QTMAN: variants seen among roughly 807,000 people sequenced by gnomAD.
QTMAN encodes tRNA-queuosine alpha-mannosyltransferase.
chr2:144,299,648 A>G, the QTMAN span, among the ~76,000 whole-genome samples: 1 of 152,210 alleles, frequency 6.6e-6, no homozygotes, highest in Non-Finnish European at 1.5e-5. Flanking sequence ...TGGTAAGAAT[A>G]TGGAGAAATT....
the QTMAN span, among the ~76,000 whole-genome samples, chr2:144,195,704 C>T: frequency 6.6e-6 from 1 of 152,038 alleles, no homozygotes; most frequent in African/African-American, 2.4e-5. Flanking sequence ...TGGTTACTTT[C>T]GTAAAGTCTA....
At chr2:144,058,934 A>G in the QTMAN span, among the ~76,000 whole-genome samples, 1 of 152,214 alleles carries the variant, frequency 6.6e-6, no homozygotes. Context: ...AATGATTACA[A>G]TAACCTGATA....
chr2:144,076,361 G>A, the QTMAN span, among the ~76,000 whole-genome samples: 1 of 152,316 alleles, frequency 6.6e-6, no homozygotes, highest in Admixed American at 6.5e-5. Flanking sequence ...GGCAAGTGGT[G>A]TTCACCTGAG....
the QTMAN span, among the ~76,000 whole-genome samples, chr2:144,233,082 C>T: frequency 6.6e-6 from 1 of 151,972 alleles, no homozygotes; most frequent in African/African-American, 2.4e-5. Context: ...ATGAACTGAC[C>T]CTGAATTTTA....
At chr2:144,208,977 T>C in the QTMAN span, among the ~76,000 whole-genome samples, 1 of 152,256 alleles carries the variant, frequency 6.6e-6, no homozygotes, top group East Asian at 1.9e-4. Flanking sequence ...TAAAGTTTTA[T>C]ATCATTTGTG....
At chr2:144,120,701 G>T in the QTMAN span, among the ~76,000 whole-genome samples, 1 of 152,118 alleles carries the variant, frequency 6.6e-6, no homozygotes, top group Non-Finnish European at 1.5e-5. Context: ...CTTCTTAACT[G>T]GTGACAGAAC....
chr2:144,318,714 T>TTCAAGGTAAG, the QTMAN span, among the ~76,000 whole-genome samples: 4 of 152,216 alleles, frequency 2.6e-5, no homozygotes, highest in Non-Finnish European at 4.4e-5. Flanking sequence ...GAATAAAGAT[T>TTCAAGGTAAG]TCAAGGTAAG....
chr2:143,976,821 A>G, the QTMAN span, among the ~76,000 whole-genome samples: 6 of 152,226 alleles, frequency 3.9e-5, no homozygotes, highest in Non-Finnish European at 8.8e-5. Context: ...ACAAAGACCA[A>G]CAACATCCAT....
At chr2:144,029,897 T>C in the QTMAN span, among the ~76,000 whole-genome samples, 3 of 152,216 alleles carry the variant, frequency 2.0e-5, no homozygotes, top group Non-Finnish European at 4.4e-5. Context: ...TATATAATTA[T>C]ACAGCATAGC....
At chr2:144,047,245 T>C in the QTMAN span, among the ~76,000 whole-genome samples, 1 of 152,146 alleles carries the variant, frequency 6.6e-6, no homozygotes, top group Non-Finnish European at 1.5e-5. Context: ...TCCTCCAGCC[T>C]GGGTGACAGA....
the QTMAN span, among the ~76,000 whole-genome samples, chr2:144,147,336 A>C: frequency 6.6e-6 from 1 of 151,732 alleles, no homozygotes; most frequent in Non-Finnish European, 1.5e-5. Flanking sequence ...ATAAAAAAAA[A>C]ATTATGACCA....
At chr2:144,267,819 C>T in the QTMAN span, among the ~76,000 whole-genome samples, 1 of 152,272 alleles carries the variant, frequency 6.6e-6, no homozygotes, top group East Asian at 1.9e-4. Context: ...CTTTTGATTA[C>T]AATTCATTCA....
At chr2:144,160,268 G>T in the QTMAN span, among the ~76,000 whole-genome samples, 1 of 152,076 alleles carries the variant, frequency 6.6e-6, no homozygotes, top group South Asian at 2.1e-4. Context: ...TAAGTTTAAG[G>T]TGTCAGGGTC....
chr2:144,286,466 T>C, the QTMAN span, among the ~76,000 whole-genome samples: 16 of 152,204 alleles, frequency 1.1e-4, no homozygotes, highest in African/African-American at 3.6e-4. Flanking sequence ...GCCTTTGACT[T>C]TGGGTTGCTC....
chr2:144,186,958 CTG>C, the QTMAN span, among the ~76,000 whole-genome samples: 1 of 152,160 alleles, frequency 6.6e-6, no homozygotes, highest in Admixed American at 6.6e-5. Flanking sequence ...AAAGCCATAA[CTG>C]TGTTAATATT....
chr2:144,298,821 T>C, the QTMAN span, among the ~76,000 whole-genome samples: 4 of 152,206 alleles, frequency 2.6e-5, no homozygotes, highest in African/African-American at 9.7e-5. Context: ...TAATTCTTCC[T>C]CTCTTGGGGA....
At chr2:144,213,591 G>T in the QTMAN span, among the ~76,000 whole-genome samples, 2 of 152,120 alleles carry the variant, frequency 1.3e-5, no homozygotes, top group African/African-American at 4.8e-5. Flanking sequence ...TTATTAGTTA[G>T]TTGTAGGAAG....
chr2:144,032,886 A>T, the QTMAN span, among the ~76,000 whole-genome samples: 1 of 152,200 alleles, frequency 6.6e-6, no homozygotes, highest in Non-Finnish European at 1.5e-5. Context: ...TTGAAAGAAA[A>T]GTGGCCACTT....
the QTMAN span, among the ~76,000 whole-genome samples, chr2:144,136,450 G>T: frequency 4.7e-5 from 6 of 127,866 alleles, no homozygotes; most frequent in African/African-American, 1.8e-4. Flanking sequence ...GAAAGGAAAG[G>T]AGAAAGGAGG....
Sources: gnomAD v4.1 joint callset for allele counts (sites outside exome capture counted in the v4.1 genomes callset) on GRCh38, gnomAD v4.1.1 for gene constraint, MANE v1.5 for transcripts, NCBI Gene and HGNC (gene_info 2026-07-23, HGNC 2026-07-21) for gene names.